The following IGSF10 variants were observed in gnomAD, a reference collection of about 807,000 sequenced individuals.
IGSF10 encodes immunoglobulin superfamily member 10, also known as calvaria mechanical force protein 608.
Under a neutral mutation model 128.2 loss-of-function variants are expected in IGSF10, and 126 were observed. That is an observed-to-expected ratio of 0.98 (90% CI 0.85 to 1.14). The LOEUF (loss-of-function observed/expected upper bound fraction) is 1.14. Among genes scored for constraint, IGSF10 ranks in the 50% most tolerant of loss-of-function variants. The pLI, the probability that IGSF10 is intolerant of heterozygous loss-of-function variation, is 0.00. For synonymous variants in IGSF10, 1,185 were observed against 1,146.2 expected, an observed-to-expected ratio of 1.03 and a Z score of -0.68; for missense variants, 3,295 against 3,149.8, an observed-to-expected ratio of 1.05 and a Z score of -1.10.
downstream of IGSF10, chr3:151,434,725 CTTT>C (rs1719905686): frequency 6.6e-6 from 1 of 152,182 alleles, no homozygotes; most frequent in Admixed American, 6.5e-5. Context: ...TTCCAAATTT[CTTT>C]GCCAGTTCAG....
chr3:151,457,062 G>T lies in IGSF10; in HGVS notation c.288C>A (p.Ile96=). The T allele has an allele frequency of 6.2e-7, 1 of 1,614,168 alleles. No homozygotes were observed. Among genetic ancestry groups the T allele is most frequent in the Non-Finnish European group, 8.5e-7 (1 of 1,180,026 alleles). Reference sequence around the variant, plus strand: ...GCAAATCTGAGAAGGTCTTGTCAGGGATTGTGTGAATGCCATTGCTGTGAA... The same window carrying T: ...GCAAATCTGAGAAGGTCTTGTCAGGTATTGTGTGAATGCCATTGCTGTGAA... The part of the protein sequence containing the change: ...LMLHSNGIHT[I]PDKTFSDLQA... The change falls in exon 4 of 8, where the codon ATC becomes ATA. Residue 96 remains isoleucine (I), a synonymous_variant. Transcript: ENST00000282466.
At position 151,458,578 on chromosome 3, in the gene IGSF10, T is replaced by C. The variant is rs1356199805; in HGVS notation, c.132A>G (p.Thr44=). The change falls in exon 3 of 8, where the codon ACA becomes ACG. Residue 44 remains threonine, a synonymous_variant. Transcript: ENST00000282466. ...ACYMPTEVHC[T]FRYLTSIPDS... ...CTGGGATGGAAGTCAGGTACCGAAA[T>C]GTGCAGTGTACCTCCGTAGGCATAT... The C allele has an allele frequency of 3.1e-6, 5 of 1,613,996 alleles. No individual in the cohort carries two copies. The African/African-American group carries it at 4.0e-5, about 13-fold the overall frequency.
chr3:151,572,223 T>C, the IGSF10 span, among the ~76,000 whole-genome samples: 6 of 152,244 alleles, frequency 3.9e-5, no homozygotes, highest in Non-Finnish European at 8.8e-5. Context: ...ATCAGGATGA[T>C]GCTGGCCTCA....
intron 4 of IGSF10, among the ~76,000 whole-genome samples, chr3:151,456,484 G>A (rs1464575788): frequency 1.3e-5 from 2 of 152,128 alleles, no homozygotes; most frequent in African/African-American, 4.8e-5. Context: ...CTCTATGTAT[G>A]CATTTCCTCA....
At chr3:151,545,909 G>C in the IGSF10 span, among the ~76,000 whole-genome samples, 1 of 151,976 alleles carries the variant, frequency 6.6e-6, no homozygotes, top group African/African-American at 2.4e-5. Flanking sequence ...GTAGTGCAGG[G>C]GTTAACAAAT....
chr3:151,486,009 T>G, the IGSF10 span, among the ~76,000 whole-genome samples: 1 of 151,986 alleles, frequency 6.6e-6, no homozygotes, highest in African/African-American at 2.4e-5. Context: ...GACTGGCAAA[T>G]TGGATAAAGA....
Position 151,437,039 on chromosome 3 carries a change from C to A in IGSF10, c.7522G>T (p.Ala2508Ser). 1 of 1,614,124 alleles carries A rather than the reference C, an allele frequency of 6.2e-7. No individual in the cohort carries two copies. The highest frequency in any genetic ancestry group is 8.5e-7 in the Non-Finnish European group (1 of 1,179,982). Residue 2508 changes from alanine (A) to serine (S), a missense_variant, in exon 8 of 8, where the codon GCT becomes TCT. Physicochemically the swap from Ala to Ser is moderately conservative, Grantham distance 99. Transcript: ENST00000282466. ...AGTGTATGACCAACACTATTTTGAGCCTTACAGATATAGTTTCCTCTGTCA... is the reference window on the plus strand; with the variant it reads ...AGTGTATGACCAACACTATTTTGAGACTTACAGATATAGTTTCCTCTGTCA... ...AYDRGNYICK[A>S]QNSVGHTLIT...
the IGSF10 span, among the ~76,000 whole-genome samples, chr3:151,497,332 C>A: frequency 1.3e-5 from 2 of 152,082 alleles, no homozygotes. Context: ...GTCTTTAATC[C>A]ATCTTGAATT....
chr3:151,441,929 C>T lies in IGSF10; in HGVS notation c.5963+1055G>A, dbSNP rs183276508. ...ACAAAAAATTAGTCGGATGTGGTGG[C>T]GGGTGCCTGTGGTCCCAGCTACTCA... On this transcript the variant is annotated intron_variant, in intron 7 of 7. Transcript: ENST00000282466. Among the ~76,000 whole-genome samples, 592 of 152,196 alleles carry T rather than the reference C, an allele frequency of 3.9e-3. 6 individuals carry two copies. The highest frequency in any genetic ancestry group is 0.013 in the African/African-American group (559 of 41,534).
chr3:151,506,210 C>T, the IGSF10 span, among the ~76,000 whole-genome samples: 1 of 152,172 alleles, frequency 6.6e-6, no homozygotes, highest in Non-Finnish European at 1.5e-5. Flanking sequence ...ACCTTGGCCT[C>T]CCAAAGTGCT....
chr3:151,452,302 G>A (rs977025249), intron 5 of IGSF10, among the ~76,000 whole-genome samples: 5 of 152,142 alleles, frequency 3.3e-5, no homozygotes, highest in African/African-American at 1.2e-4. Flanking sequence ...CACAAACCTA[G>A]ATAGTATAGC....
chr3:151,463,191 C>A (rs1207560977), upstream of IGSF10, among the ~76,000 whole-genome samples: 3 of 152,198 alleles, frequency 2.0e-5, no homozygotes, highest in Non-Finnish European at 4.4e-5. Flanking sequence ...TATGTCAGAG[C>A]TCTTCTCTGA....
At chr3:151,577,394 T>C in the IGSF10 span, among the ~76,000 whole-genome samples, 1 of 152,146 alleles carries the variant, frequency 6.6e-6, no homozygotes, top group Non-Finnish European at 1.5e-5. Flanking sequence ...CAATGCTATA[T>C]AATCCTTTTT....
chr3:151,500,761 T>C, the IGSF10 span, among the ~76,000 whole-genome samples: 1 of 152,132 alleles, frequency 6.6e-6, no homozygotes, highest in African/African-American at 2.4e-5. Context: ...ATATCGTCTT[T>C]TCTCTGGTAT....
chr3:151,597,013 T>A, the IGSF10 span, among the ~76,000 whole-genome samples: 1 of 152,042 alleles, frequency 6.6e-6, no homozygotes, highest in Non-Finnish European at 1.5e-5. Context: ...CCGGGGTTTT[T>A]TTTTTTCAGT....
At chr3:151,589,826 A>T in the IGSF10 span, among the ~76,000 whole-genome samples, 1 of 152,146 alleles carries the variant, frequency 6.6e-6, no homozygotes, top group Non-Finnish European at 1.5e-5. Flanking sequence ...TCATTCTTTT[A>T]CTAATTAATC....
rs1218867603 is a variant in IGSF10, at chr3:151,447,636, A to T, written c.2345T>A (p.Val782Glu). The change falls in exon 6 of 8, where the codon GTG becomes GAG. Residue 782 changes from valine (V) to glutamate (E), a missense_variant. Coordinates refer to ENST00000282466, the MANE Select transcript of IGSF10 (RefSeq NM_178822.5). ...AGGTATGTTTGGGAGTTGGGTGACCACTGGGGGTGGGCTCACTGTGGTATT... is the reference window on the plus strand; with the variant it reads ...AGGTATGTTTGGGAGTTGGGTGACCTCTGGGGGTGGGCTCACTGTGGTATT... The part of the protein sequence containing the change: ...RENTTVSPPP[V>E]VTQLPNIPGE... 6.2e-7 allele frequency: 1 copy of T among 1,614,108 alleles called. No individual in the cohort carries two copies.
At chr3:151,459,956 T>C (rs1380028189) in intron 2 of IGSF10, among the ~76,000 whole-genome samples, 1 of 152,172 alleles carries the variant, frequency 6.6e-6, no homozygotes, top group African/African-American at 2.4e-5. Flanking sequence ...TATAATTTAG[T>C]CCAAATTAAA....
chr3:151,506,234 T>G, the IGSF10 span, among the ~76,000 whole-genome samples: 1 of 152,190 alleles, frequency 6.6e-6, no homozygotes, highest in African/African-American at 2.4e-5. Flanking sequence ...ATTATAGGCA[T>G]GAGCCACCAC....
Sources: gnomAD v4.1 joint callset for allele counts (sites outside exome capture counted in the v4.1 genomes callset) on GRCh38, gnomAD v4.1.1 for gene constraint, MANE v1.5 for transcripts, NCBI Gene and HGNC (gene_info 2026-07-23, HGNC 2026-07-21) for gene names.